Variants in EXOC6B observed in about 807,000 individuals in gnomAD.
EXOC6B encodes the protein exocyst complex component 6B.
In EXOC6B, 54 loss-of-function variants were observed where a neutral mutation model predicts 113.5. The observed-to-expected ratio is 0.48, with a 90% CI of 0.38 to 0.60. The LOEUF (loss-of-function observed/expected upper bound fraction) is 0.60, where lower values mean the gene tolerates loss of function less well. EXOC6B is among the 20% of genes least tolerant of loss of function. EXOC6B has a pLI of 0.00. For missense variants in EXOC6B, 797 were observed against 977.5 expected (o/e 0.82, Z 2.46); for synonymous variants, 357 against 339.0 (o/e 1.05, Z -0.58).
chr2:72,470,417 T>C (rs992041887), intron 17 of EXOC6B, among the ~76,000 whole-genome samples: 9 of 152,166 alleles, frequency 5.9e-5, no homozygotes, highest in African/African-American at 9.7e-5. Flanking sequence ...CTGATTTTTG[T>C]ATGTTGATTT....
intron 18 of EXOC6B, among the ~76,000 whole-genome samples, chr2:72,401,663 A>G (rs1156656669): frequency 6.6e-5 from 5 of 76,306 alleles, no homozygotes; most frequent in Admixed American, 5.2e-4. Context: ...ATATATATAT[A>G]TATGTATATA....
chr2:72,367,535 A>G (rs1690706716), intron 19 of EXOC6B, among the ~76,000 whole-genome samples: 1 of 152,186 alleles, frequency 6.6e-6, no homozygotes, highest in African/African-American at 2.4e-5. Flanking sequence ...CCAAATTTTA[A>G]CAACTATCTG....
chr2:72,671,807 GAA>G (rs370111927), intron 6 of EXOC6B, among the ~76,000 whole-genome samples: 1 of 117,116 alleles, frequency 8.5e-6, no homozygotes, highest in East Asian at 2.5e-4. Context: ...AAGAAAGAAA[GAA>G]AGAAAGAAAG....
chr2:72,704,003 C>T (rs1678639978), intron 6 of EXOC6B, among the ~76,000 whole-genome samples: 2 of 151,960 alleles, frequency 1.3e-5, no homozygotes, highest in South Asian at 4.2e-4. Context: ...GAACTCTCCA[C>T]CCCAAATCAA....
intron 6 of EXOC6B, among the ~76,000 whole-genome samples, chr2:72,671,787 G>GAAAGAA (rs769024780): frequency 0.013 from 1,321 of 104,914 alleles, 31 homozygotes; most frequent in African/African-American, 0.037. Context: ...AAGAAAGAAA[G>GAAAGAA]AAAGAAAGAA....
chr2:72,811,526 G>A (rs571804485), intron 1 of EXOC6B, among the ~76,000 whole-genome samples: 1 of 152,202 alleles, frequency 6.6e-6, no homozygotes, highest in Admixed American at 6.5e-5. Flanking sequence ...ATCTCTTCCA[G>A]AAAATAGATG....
intron 19 of EXOC6B, among the ~76,000 whole-genome samples, chr2:72,336,854 C>A (rs1482757325): frequency 6.6e-6 from 1 of 151,722 alleles, no homozygotes; most frequent in Non-Finnish European, 1.5e-5. Context: ...TAAATACAAA[C>A]AAATTAGCTG....
At chr2:72,799,382 C>T (rs1281616818) in intron 1 of EXOC6B, among the ~76,000 whole-genome samples, 2 of 151,766 alleles carry the variant, frequency 1.3e-5, no homozygotes, top group Admixed American at 1.3e-4. Context: ...CCAACCTGGG[C>T]AACATAGCAA....
chr2:72,419,819 C>T (rs569286836), intron 18 of EXOC6B, among the ~76,000 whole-genome samples: 17 of 152,236 alleles, frequency 1.1e-4, no homozygotes, highest in South Asian at 8.3e-4. Context: ...GAGTTTCTTG[C>T]ATGTTGATAT....
In EXOC6B at chr2:72,677,689, G is replaced by T. The variant is rs368611580; in HGVS notation, c.669+40414C>A. ...TTATTCACAAATATCATCAAAGGTG[G>T]GTTTGCTTAAAGTAATTTCATCAAC... On this transcript the variant is annotated intron_variant, in intron 6 of 21. Coordinates refer to ENST00000272427, the MANE Select transcript of EXOC6B (RefSeq NM_015189.3). Among the ~76,000 whole-genome samples the T allele has an allele frequency of 1.5e-4, 23 of 152,234 alleles. 2 individuals carry two copies. The highest frequency in any genetic ancestry group is 4.6e-4 in the African/African-American group (19 of 41,532).
At chr2:72,420,996 A>C (rs1249949115) in intron 18 of EXOC6B, among the ~76,000 whole-genome samples, 1 of 152,086 alleles carries the variant, frequency 6.6e-6, no homozygotes, top group Non-Finnish European at 1.5e-5. Context: ...ATTGATGATG[A>C]GCTTTTTTTC....
At chr2:72,765,551 T>C (rs1683007693) in intron 1 of EXOC6B, among the ~76,000 whole-genome samples, 1 of 152,082 alleles carries the variant, frequency 6.6e-6, no homozygotes, top group Admixed American at 6.5e-5. Flanking sequence ...CTGGTGCCTA[T>C]AATCCCAGCT....
At position 72,604,087 on chromosome 2, in the gene EXOC6B, C is replaced by T. The variant is rs186062011; in HGVS notation, c.670-28419G>A. The stretch of plus-strand genomic sequence containing the variant: ...AAAAAATCATCTTAGATTTATTAGT[C>T]CCTGGTCATTTGACACTGACGGAAG... On this transcript the variant is annotated intron_variant, in intron 6 of 21. Transcript: ENST00000272427. Among the ~76,000 whole-genome samples, 39 of 152,130 alleles carry T rather than the reference C, an allele frequency of 2.6e-4. No homozygotes were observed. The East Asian group carries it at 6.6e-3, about 26-fold the overall frequency.
chr2:72,392,208 G>C (rs1692428505), intron 18 of EXOC6B, among the ~76,000 whole-genome samples: 1 of 152,172 alleles, frequency 6.6e-6, no homozygotes, highest in Non-Finnish European at 1.5e-5. Context: ...GCATTCATCA[G>C]CTGGTAACCC....
chr2:72,250,961 T>G (rs976314729), intron 20 of EXOC6B, among the ~76,000 whole-genome samples: 1 of 151,898 alleles, frequency 6.6e-6, no homozygotes, highest in East Asian at 1.9e-4. Flanking sequence ...CCTCAGCCTC[T>G]GGAGTAGCTG....
intron 20 of EXOC6B, among the ~76,000 whole-genome samples, chr2:72,293,779 C>A (rs1417330650): frequency 6.6e-6 from 1 of 152,052 alleles, no homozygotes; most frequent in Non-Finnish European, 1.5e-5. Context: ...TCTGGGGACA[C>A]TATATGGCAA....
chr2:72,681,843 G>A (rs1359339910), intron 6 of EXOC6B, among the ~76,000 whole-genome samples: 1 of 151,998 alleles, frequency 6.6e-6, no homozygotes, highest in Non-Finnish European at 1.5e-5. Flanking sequence ...CAACAATAGG[G>A]TAGTCTTGAT....
intron 8 of EXOC6B, chr2:72,515,638 C>T (rs1282685058): frequency 1.0e-6 from 1 of 989,064 alleles, no homozygotes; most frequent in African/African-American, 1.7e-5. Context: ...AAAACAAAAA[C>T]AAAAGCATGA....
At chr2:72,436,392 C>T (rs1695873605) in intron 18 of EXOC6B, among the ~76,000 whole-genome samples, 1 of 152,108 alleles carries the variant, frequency 6.6e-6, no homozygotes, top group Non-Finnish European at 1.5e-5. Flanking sequence ...TTACTCTTCT[C>T]AAAGACTATC....
Sources: gnomAD v4.1 joint callset for allele counts (sites outside exome capture counted in the v4.1 genomes callset) on GRCh38, gnomAD v4.1.1 for gene constraint, MANE v1.5 for transcripts, NCBI Gene and HGNC (gene_info 2026-07-23, HGNC 2026-07-21) for gene names.